Variants in GNAL observed in about 807,000 individuals in gnomAD.
The protein encoded by GNAL is G protein subunit alpha L.
GNAL carries 18 observed loss-of-function variants against 55.1 expected under a neutral mutation model. The ratio of observed to expected loss-of-function variants is 0.33; its 90% CI spans 0.23 to 0.48. The LOEUF is 0.48. Among genes scored for constraint, GNAL ranks in the 20% least tolerant of loss-of-function variants. The pLI is 0.99. For synonymous variants in GNAL, 253 were observed against 237.0 expected, an observed-to-expected ratio of 1.07 and a Z score of -0.62; for missense variants, 412 against 614.1, an observed-to-expected ratio of 0.67 and a Z score of 3.48.
chr18:11,692,246 G>A (rs1159034320), intron 1 of GNAL, among the ~76,000 whole-genome samples: 4 of 152,174 alleles, frequency 2.6e-5, no homozygotes, highest in Non-Finnish European at 4.4e-5. Context: ...TAAATATTGA[G>A]TTTGAGAGGA....
At position 11,689,815 on chromosome 18, in the gene GNAL, G is replaced by C; in HGVS notation, c.252G>C (p.Glu84Asp). The change falls in exon 1 of 12, where the codon GAG becomes GAC. Residue 84 changes from glutamate (E) to aspartate (D), a missense_variant. This residue lies in a region of GNAL where 228 missense variants were observed against 194.8 expected (regional missense o/e 1.17). Transcript: ENST00000334049. ...AGCGCACCGAGCAGCTGAGTGCCGA[G>C]GAGCGCGAGGCGGCCAAGGAGCGCG... ...KRQRTEQLSAEEREAAKEREA... is the reference protein window; with the variant it reads ...KRQRTEQLSADEREAAKEREA... 1 of 1,537,772 alleles carries C rather than the reference G, an allele frequency of 6.5e-7. No individual in the cohort carries two copies. Among genetic ancestry groups the C allele is most frequent in the African/African-American group, 1.4e-5 (1 of 70,628 alleles).
chr18:11,885,158 C>T lies in GNAL; in HGVS notation c.*4023C>T, dbSNP rs1449492642. On this transcript the variant is annotated 3_prime_UTR_variant, in exon 12 of 12. Coordinates refer to ENST00000334049, the MANE Select transcript of GNAL (RefSeq NM_182978.4). ...TTTGAATTTGAAAATGTTAGGGTTTCCTCCACCTTTTTATGAAGTAAAAGA... is the reference window on the plus strand; with the variant it reads ...TTTGAATTTGAAAATGTTAGGGTTTTCTCCACCTTTTTATGAAGTAAAAGA... 3.3e-5 allele frequency: 26 copies of T among 793,158 alleles called. No individual in the cohort carries two copies. Among genetic ancestry groups the T allele is most frequent in the Non-Finnish European group, 4.2e-5 (25 of 588,802 alleles). 49.1% of individuals were successfully genotyped at this position (793,158 alleles called of 1,614,324 possible). A position where few individuals can be genotyped will look rare whatever the true frequency, so the allele number is the denominator to read the frequency against.
intron 4 of GNAL, among the ~76,000 whole-genome samples, chr18:11,788,897 GAAAA>G (rs1162398867): frequency 1.8e-4 from 15 of 82,482 alleles, no homozygotes; most frequent in South Asian, 4.6e-4. Flanking sequence ...ACTCCGTCTC[GAAAA>G]AAAAAAAAAA....
At position 11,877,997 on chromosome 18, in the gene GNAL, A is replaced by C. The variant is rs1453716609; in HGVS notation, c.1230+1309A>C. The stretch of plus-strand genomic sequence containing the variant: ...CTTAAGCCAATTAATGTGCATTGCA[A>C]ATCTCTTCAATAAGGGAATTTAGTT... On this transcript the variant is annotated intron_variant, in intron 11 of 11. Transcript: ENST00000334049. 2.0e-5 allele frequency among the ~76,000 whole-genome samples: 3 copies of C among 152,242 alleles called. No individual in the cohort carries two copies. The East Asian group carries it at 5.8e-4, about 29-fold the overall frequency.
chr18:11,856,200 C>T (rs931454225), intron 5 of GNAL, among the ~76,000 whole-genome samples: 1 of 151,206 alleles, frequency 6.6e-6, no homozygotes, highest in African/African-American at 2.5e-5. Context: ...ATGAGCAGAC[C>T]CCTGTTTTTG....
chr18:11,689,985 C>G lies in GNAL; in HGVS notation c.376+46C>G, dbSNP rs529866868. On this transcript the variant is annotated intron_variant, in intron 1 of 11. Coordinates refer to ENST00000334049, the MANE Select transcript of GNAL (RefSeq NM_182978.4). Reference sequence around the variant, plus strand: ...CGGCTGACGCCCCGGGGACAGCGCGCCGGGCCCGCGGGGGCGGCGGGCACC... The same window carrying G: ...CGGCTGACGCCCCGGGGACAGCGCGGCGGGCCCGCGGGGGCGGCGGGCACC... The G allele has an allele frequency of 2.8e-5, 32 of 1,133,814 alleles. No homozygotes were observed. The East Asian group carries it at 9.9e-4, about 35-fold the overall frequency. 70.2% of individuals were successfully genotyped at this position (1,133,814 alleles called of 1,614,324 possible).
chr18:11,846,490 C>T (rs1047363225), intron 5 of GNAL, among the ~76,000 whole-genome samples: 2 of 148,952 alleles, frequency 1.3e-5, no homozygotes, highest in African/African-American at 5.0e-5. Flanking sequence ...CACACACACA[C>T]ACAGACTCAC....
At chr18:11,796,813 G>A (rs1252201569) in intron 4 of GNAL, among the ~76,000 whole-genome samples, 2 of 152,012 alleles carry the variant, frequency 1.3e-5, no homozygotes, top group African/African-American at 4.8e-5. Flanking sequence ...TGGCTATGTA[G>A]CATTCATCAT....
At chr18:11,760,614 A>G (rs1178663652) in intron 4 of GNAL, among the ~76,000 whole-genome samples, 1 of 152,140 alleles carries the variant, frequency 6.6e-6, no homozygotes, top group Non-Finnish European at 1.5e-5. Flanking sequence ...TCTGTCTTGA[A>G]TGGGAGTCAC....
Position 11,751,956 on chromosome 18 carries a change from C to G in GNAL, c.377-897C>G, listed in dbSNP as rs1400135233. Among the ~76,000 whole-genome samples the G allele has an allele frequency of 1.3e-5, 2 of 152,162 alleles. No homozygotes were observed. The highest frequency in any genetic ancestry group is 4.8e-5 in the African/African-American group (2 of 41,458). On this transcript the variant is annotated intron_variant, in intron 1 of 11. Transcript: ENST00000334049. This position sits in a 1 kb window ranked among gnomAD's most constrained non-coding sequence, Gnocchi z 4.5. ...CTGGGACCCCGGTGGCGCGCTCTGT[C>G]CTCCGCGCCACGCTCAGCCACCACC...
chr18:11,796,370 G>T (rs906675930), intron 4 of GNAL, among the ~76,000 whole-genome samples: 13 of 152,058 alleles, frequency 8.5e-5, no homozygotes, highest in Non-Finnish European at 1.3e-4. Context: ...GAGGTCGGGA[G>T]ATCGGGACCA....
At chr18:11,810,580 C>G (rs2034786127) in intron 4 of GNAL, 1 of 152,296 alleles carries the variant, frequency 6.6e-6, no homozygotes, top group Admixed American at 6.5e-5. Context: ...CTGGAAAACT[C>G]AGCCCGGAGC....
At chr18:11,783,302 C>T (rs1295096074) in intron 4 of GNAL, among the ~76,000 whole-genome samples, 1 of 152,166 alleles carries the variant, frequency 6.6e-6, no homozygotes, top group Non-Finnish European at 1.5e-5. Flanking sequence ...TCAGCTTGTT[C>T]CTTTCTCAAA....
rs2031170500 is a variant in GNAL, at chr18:11,689,670, C to CGACCCT, written c.108_109insACCCTG (p.Pro36_Ala37insThrLeu). ...GAGGACGCGCAGCCCGCCCCGGCCC[C>CGACCCT]GGCCCTGGCCCCAGTCCGGGCGGCC... On this transcript the variant is annotated inframe_insertion, in exon 1 of 12. Transcript: ENST00000334049. 6.9e-7 allele frequency: 1 copy of CGACCCT among 1,439,862 alleles called. No individual in the cohort carries two copies. Among genetic ancestry groups the CGACCCT allele is most frequent in the South Asian group, 1.4e-5 (1 of 72,396 alleles). 89.2% of individuals were successfully genotyped at this position (1,439,862 alleles called of 1,614,324 possible).
chr18:11,793,876 C>T (rs1473552577), intron 4 of GNAL, among the ~76,000 whole-genome samples: 4 of 148,112 alleles, frequency 2.7e-5, no homozygotes, highest in Admixed American at 6.8e-5. Flanking sequence ...CACGCCACTG[C>T]ACTCCAGCCT....
chr18:11,715,325 G>T (rs1458485092), intron 1 of GNAL, among the ~76,000 whole-genome samples: 1 of 151,722 alleles, frequency 6.6e-6, no homozygotes, highest in Non-Finnish European at 1.5e-5. Context: ...GCCAGGCGTG[G>T]TGGTGGGCAC....
At chr18:11,841,136 A>T (rs1408490446) in intron 5 of GNAL, among the ~76,000 whole-genome samples, 1 of 151,986 alleles carries the variant, frequency 6.6e-6, no homozygotes, top group Non-Finnish European at 1.5e-5. Context: ...GGCCTCCCAA[A>T]GTGTTAGGAT....
At chr18:11,819,443 C>G (rs1279190269) in intron 4 of GNAL, among the ~76,000 whole-genome samples, 1 of 151,794 alleles carries the variant, frequency 6.6e-6, no homozygotes, top group African/African-American at 2.4e-5. Flanking sequence ...ATTTTAAAGC[C>G]TTGCTTTTAA....
At chr18:11,873,954 C>T (rs1174457654) in intron 10 of GNAL, 2 of 153,196 alleles carry the variant, frequency 1.3e-5, no homozygotes, top group Admixed American at 1.3e-4. Context: ...GCTGCCACAG[C>T]TTCCTGCCTG....
Sources: gnomAD v4.1 joint callset for allele counts (sites outside exome capture counted in the v4.1 genomes callset) on GRCh38, gnomAD v4.1.1 for gene constraint, gnomAD v4.1.1 regional missense constraint, Gnocchi (gnomAD v3.1) non-coding constraint, MANE v1.5 for transcripts, NCBI Gene and HGNC (gene_info 2026-07-23, HGNC 2026-07-21) for gene names.